The following GNE variants were observed in gnomAD, a reference collection of about 807,000 sequenced individuals.
GNE encodes bifunctional UDP-N-acetylglucosamine 2-epimerase/N-acetylmannosamine kinase.
A neutral mutation model predicts 61.8 loss-of-function variants in GNE; 41 were observed. That is an observed-to-expected ratio of 0.66 (90% confidence interval 0.52 to 0.86). GNE has a LOEUF of 0.86. Ranked by LOEUF, GNE falls within the 40% of genes least tolerant of loss-of-function variation. The pLI is 0.00. For missense variants in GNE, 608 were observed against 909.1 expected (o/e 0.67, Z 4.26); for synonymous variants, 264 against 326.4 (o/e 0.81, Z 2.06).
intron 5 of GNE, among the ~76,000 whole-genome samples, chr9:36,230,629 A>C (rs1273810010): frequency 1.3e-5 from 2 of 150,122 alleles, no homozygotes; most frequent in African/African-American, 4.9e-5. Flanking sequence ...CCTAATTTTA[A>C]AATTTTTTTG....
At chr9:36,274,934 C>T (rs1389205021) in intron 1 of GNE, among the ~76,000 whole-genome samples, 1 of 152,154 alleles carries the variant, frequency 6.6e-6, no homozygotes, top group African/African-American at 2.4e-5. Flanking sequence ...CTGTGTTAGC[C>T]AGGATGGTCT....
chr9:36,237,109 C>CA, intron 3 of GNE, 125 bp from the exon 4 acceptor site: 1 of 770,696 alleles, frequency 1.3e-6, no homozygotes, highest in East Asian at 2.7e-5. Context: ...AACAGTTTGT[C>CA]AAATTGTGAA....
intron 9 of GNE, among the ~76,000 whole-genome samples, chr9:36,221,909 C>G (rs1246765890): frequency 6.6e-6 from 1 of 152,158 alleles, no homozygotes; most frequent in Non-Finnish European, 1.5e-5. Flanking sequence ...TTGGTGGTGA[C>G]CTTGAACAAC....
At chr9:36,220,177 G>A (rs1828526438) in intron 9 of GNE, among the ~76,000 whole-genome samples, 157 bp from the exon 10 acceptor site, 1 of 152,192 alleles carries the variant, frequency 6.6e-6, no homozygotes, top group African/African-American at 2.4e-5. Context: ...GCATTCTCTG[G>A]CAGCATTTTG....
intron 3 of GNE, among the ~76,000 whole-genome samples, chr9:36,242,732 G>GT (rs34441447): frequency 0.012 from 1,110 of 95,928 alleles, 30 homozygotes; most frequent in African/African-American, 0.035. Flanking sequence ...TTTTATGCTT[G>GT]TTTTTTTTTT....
At position 36,219,980 on chromosome 9, in the gene GNE, G is replaced by A. The variant is rs144931111; in HGVS notation, c.1674C>T (p.His558=). 17 of 1,613,978 alleles carry A rather than the reference G, an allele frequency of 1.1e-5. No individual in the cohort carries two copies. The highest frequency in any genetic ancestry group is 3.3e-4 in the Middle Eastern group (2 of 6,074). The change falls in exon 10 of 12, where the codon CAC becomes CAT. Residue 558 remains histidine (H), a synonymous_variant. Coordinates refer to ENST00000642385, the MANE Select transcript of GNE (RefSeq NM_005476.7). ...GTTCTGCAGCACAGAAGGAGCTTCCGTGGATCAATTCATGCTGATGGATAA... is the reference window on the plus strand; with the variant it reads ...GTTCTGCAGCACAGAAGGAGCTTCCATGGATCAATTCATGCTGATGGATAA... ...GGIIHQHELI[H]GSSFCAAELG...
intron 1 of GNE, among the ~76,000 whole-genome samples, chr9:36,266,343 A>G (rs1299223946): frequency 6.6e-6 from 1 of 152,258 alleles, no homozygotes; most frequent in African/African-American, 2.4e-5. Context: ...TACAAACCAG[A>G]TATCACTGCA....
chr9:36,235,662 T>C (rs1829361336), intron 4 of GNE, among the ~76,000 whole-genome samples: 1 of 152,230 alleles, frequency 6.6e-6, no homozygotes, highest in African/African-American at 2.4e-5. Flanking sequence ...TTTGAAATAT[T>C]GATACATTAC....
intron 1 of GNE, among the ~76,000 whole-genome samples, chr9:36,255,800 AAGAC>A (rs1471955452): frequency 2.0e-5 from 3 of 152,210 alleles, no homozygotes; most frequent in African/African-American, 7.2e-5. Context: ...CACCAAAAGA[AAGAC>A]AGAAAAACAA....
At chr9:36,253,043 TCCC>T (rs200246349) in intron 1 of GNE, among the ~76,000 whole-genome samples, 1,669 of 152,122 alleles carry the variant, frequency 0.011, 32 homozygotes, top group African/African-American at 0.037. Flanking sequence ...ACACCTATAG[TCCC>T]AGCTACTTGG....
intron 1 of GNE, among the ~76,000 whole-genome samples, chr9:36,271,562 C>T (rs1228753177): frequency 4.6e-5 from 7 of 152,080 alleles, no homozygotes; most frequent in Admixed American, 6.6e-5. Context: ...TTACTAGAGA[C>T]GGGGTTTCAC....
chr9:36,252,285 G>A (rs1053232601), intron 1 of GNE, among the ~76,000 whole-genome samples: 34 of 151,940 alleles, frequency 2.2e-4, no homozygotes, highest in Non-Finnish European at 3.8e-4. Context: ...GCACGTGGCC[G>A]CACTATCTAA....
intron 2 of GNE, among the ~76,000 whole-genome samples, chr9:36,247,829 C>G (rs4879964): frequency 0.61 from 92,626 of 151,626 alleles, 29,992 homozygotes; most frequent in Non-Finnish European, 0.74. Flanking sequence ...GAGTTTGAGA[C>G]CAGCCTGACC....
At chr9:36,265,825 T>C (rs553006169) in intron 1 of GNE, among the ~76,000 whole-genome samples, 2 of 152,342 alleles carry the variant, frequency 1.3e-5, no homozygotes, top group South Asian at 4.1e-4. Flanking sequence ...TTTGTGCTTC[T>C]ATGAGAATCT....
chr9:36,258,433 G>T lies in GNE; in HGVS notation c.-155C>A, dbSNP rs931095668. On this transcript the variant is annotated 5_prime_UTR_variant, in exon 1 of 12. Transcript: ENST00000642385. ...AGCCTGCCCCTCGGTTTCCGCGCTC[G>T]GGCGCGCGGGTAGACGACTCGTCGC... The T allele has an allele frequency of 1.6e-5, 16 of 985,368 alleles. No individual in the cohort carries two copies. In the Admixed American group the frequency reaches 8.6e-4, roughly 53 times the overall value. The allele number at this position is 985,368 out of a possible 1,614,324, so 61.0% of individuals were successfully genotyped here. A position where few individuals can be genotyped will look rare whatever the true frequency, so the allele number is the denominator to read the frequency against.
chr9:36,236,247 C>A (rs190189100), intron 4 of GNE, among the ~76,000 whole-genome samples: 6 of 151,918 alleles, frequency 3.9e-5, no homozygotes, highest in African/African-American at 1.2e-4. Flanking sequence ...GTCACTGAGA[C>A]TAGTGTGCAG....
At chr9:36,228,039 A>G (rs1456122149) in intron 6 of GNE, among the ~76,000 whole-genome samples, 1 of 151,296 alleles carries the variant, frequency 6.6e-6, no homozygotes, top group African/African-American at 2.4e-5. Flanking sequence ...TCTCAAAAAA[A>G]AAAAAAAAAA....
intron 4 of GNE, among the ~76,000 whole-genome samples, chr9:36,235,893 T>C (rs1296612676): frequency 6.6e-6 from 1 of 152,120 alleles, no homozygotes; most frequent in African/African-American, 2.4e-5. Context: ...ATAACCAGTG[T>C]TTGGAAATTC....
chr9:36,236,307 T>C (rs1829388886), intron 4 of GNE, among the ~76,000 whole-genome samples: 1 of 152,082 alleles, frequency 6.6e-6, no homozygotes. Flanking sequence ...TTCAAGTGAT[T>C]CTCCTGCCTC....
Sources: gnomAD v4.1 joint callset for allele counts (sites outside exome capture counted in the v4.1 genomes callset) on GRCh38, gnomAD v4.1.1 for gene constraint, MANE v1.5 for transcripts, NCBI Gene and HGNC (gene_info 2026-07-23, HGNC 2026-07-21) for gene names.